GLCCI1: variants seen among roughly 807,000 people sequenced by gnomAD.
GLCCI1 encodes the protein glucocorticoid-induced transcript 1 protein.
Under a neutral mutation model 52.2 loss-of-function variants are expected in GLCCI1, and 24 were observed. The observed-to-expected ratio is 0.46, with a 90% CI of 0.33 to 0.65. The LOEUF (loss-of-function observed/expected upper bound fraction) is 0.65, where lower values mean the gene tolerates loss of function less well. Among genes scored for constraint, GLCCI1 ranks in the 30% least tolerant of loss-of-function variants. The pLI, the probability that GLCCI1 is intolerant of heterozygous loss-of-function variation, is 0.02. For missense variants in GLCCI1, 704 were observed against 701.5 expected, an observed-to-expected ratio of 1.00 and a Z score of -0.04; for synonymous variants, 310 against 276.5, an observed-to-expected ratio of 1.12 and a Z score of -1.20.
At chr7:8,036,311 T>C (rs1174327585) in intron 3 of GLCCI1, among the ~76,000 whole-genome samples, 2 of 152,146 alleles carry the variant, frequency 1.3e-5, no homozygotes, top group Non-Finnish European at 2.9e-5. Context: ...AAGTAACTCA[T>C]AGAAACTTTG....
chr7:7,987,250 C>T (rs1780754439), intron 1 of GLCCI1, among the ~76,000 whole-genome samples: 1 of 152,132 alleles, frequency 6.6e-6, no homozygotes, highest in Non-Finnish European at 1.5e-5. Flanking sequence ...ATACTTGTGC[C>T]TCTAATATAC....
intron 3 of GLCCI1, among the ~76,000 whole-genome samples, chr7:8,050,080 G>C (rs949444952): frequency 1.3e-5 from 2 of 152,124 alleles, no homozygotes; most frequent in African/African-American, 4.8e-5. Context: ...GGGGGTTCGG[G>C]GGTGCGTGGT....
intron 6 of GLCCI1, among the ~76,000 whole-genome samples, chr7:8,083,155 G>A (rs964550855): frequency 7.9e-5 from 12 of 152,122 alleles, no homozygotes; most frequent in Non-Finnish European, 1.8e-4. Context: ...ATACATAGGT[G>A]TATATATTTA....
chr7:7,975,825 C>G (rs1562412882), intron 1 of GLCCI1, among the ~76,000 whole-genome samples: 1 of 152,086 alleles, frequency 6.6e-6, no homozygotes, highest in Non-Finnish European at 1.5e-5. Flanking sequence ...GAGAGAAATT[C>G]TTGTTTCTGA....
rs548785978 is a variant in GLCCI1, at chr7:7,969,984, C to A, written c.457+177C>A. ...GGGCTTGGAGGAGCGAACTGAAAAG[C>A]GACTTTTATTTGACCCTCATGCCGC... On this transcript the variant is annotated intron_variant, in intron 1 of 7. Coordinates refer to ENST00000223145, the MANE Select transcript of GLCCI1 (RefSeq NM_138426.4). This position sits in a 1 kb window ranked among gnomAD's most constrained non-coding sequence, Gnocchi z 4.9. 773 of 857,910 alleles carry A rather than the reference C, an allele frequency of 9.0e-4. 21 individuals carry two copies. In the South Asian group the frequency reaches 0.026, roughly 29 times the overall value. 53.1% of individuals were successfully genotyped at this position (857,910 alleles called of 1,614,324 possible). A position where few individuals can be genotyped will look rare whatever the true frequency, so the allele number is the denominator to read the frequency against.
chr7:7,978,478 TA>T (rs1780541900), intron 1 of GLCCI1, among the ~76,000 whole-genome samples: 1 of 152,192 alleles, frequency 6.6e-6, no homozygotes, highest in Admixed American at 6.5e-5. Flanking sequence ...TGATGTAATA[TA>T]GAAAATAAAT....
intron 7 of GLCCI1, 43 bp downstream of exon 7, chr7:8,085,060 AAAGCT>A: frequency 6.2e-7 from 1 of 1,609,672 alleles, no homozygotes; most frequent in South Asian, 1.1e-5. Flanking sequence ...GCAAAGCTGT[AAAGCT>A]TTTTACTGAG....
chr7:7,991,299 T>C (rs1780834831), intron 1 of GLCCI1, among the ~76,000 whole-genome samples: 1 of 152,106 alleles, frequency 6.6e-6, no homozygotes, highest in South Asian at 2.1e-4. Context: ...AATTCTACTT[T>C]TCAGTTTAGA....
At chr7:8,036,078 G>A (rs1009571702) in intron 3 of GLCCI1, among the ~76,000 whole-genome samples, 4 of 152,212 alleles carry the variant, frequency 2.6e-5, no homozygotes, top group East Asian at 1.9e-4. Flanking sequence ...TGCTTCTGCT[G>A]TAGCTGGCCT....
At chr7:7,991,126 C>T (rs1562419201) in intron 1 of GLCCI1, among the ~76,000 whole-genome samples, 1 of 152,056 alleles carries the variant, frequency 6.6e-6, no homozygotes, top group Non-Finnish European at 1.5e-5. Context: ...ACTCTTTTTC[C>T]TAGGCCTTTC....
At chr7:8,025,512 A>G (rs1304100106) in intron 3 of GLCCI1, among the ~76,000 whole-genome samples, 2 of 152,218 alleles carry the variant, frequency 1.3e-5, no homozygotes, top group Non-Finnish European at 2.9e-5. Context: ...ATAAGTCAAT[A>G]GAATTTATAT....
intron 6 of GLCCI1, among the ~76,000 whole-genome samples, chr7:8,080,922 C>T (rs1332882148): frequency 1.3e-5 from 2 of 151,194 alleles, no homozygotes; most frequent in African/African-American, 4.9e-5. Flanking sequence ...GATCCTCCCG[C>T]CTCAGCCTCC....
chr7:8,017,389 T>C (rs990904265), intron 2 of GLCCI1, among the ~76,000 whole-genome samples: 3 of 152,244 alleles, frequency 2.0e-5, no homozygotes, highest in Admixed American at 2.0e-4. Flanking sequence ...CCGTATCTTA[T>C]TGATTTCAAT....
intron 4 of GLCCI1, among the ~76,000 whole-genome samples, chr7:8,058,005 T>C (rs967002590): frequency 6.6e-6 from 1 of 152,198 alleles, no homozygotes; most frequent in African/African-American, 2.4e-5. Flanking sequence ...TAAATGTTGA[T>C]AATTTTTGAA....
At position 8,086,099 on chromosome 7, in the gene GLCCI1, T is replaced by C. The variant is rs1461666768; in HGVS notation, c.1299-94T>C. ...CTTAACCCATCTCCTGCCATTTACA[T>C]TTTAGCTGTTTTAGAGAACTCCAGT... On this transcript the variant is annotated intron_variant, in intron 7 of 7. Coordinates refer to ENST00000223145, the MANE Select transcript of GLCCI1 (RefSeq NM_138426.4). This position sits in a 1 kb window ranked among gnomAD's most constrained non-coding sequence, Gnocchi z 4.4. 6.7e-5 allele frequency: 70 copies of C among 1,048,050 alleles called. No individual in the cohort carries two copies. The highest frequency in any genetic ancestry group is 9.4e-5 in the Non-Finnish European group (67 of 716,118). The allele number at this position is 1,048,050 out of a possible 1,614,324, so 64.9% of individuals were successfully genotyped here. A position where few individuals can be genotyped will look rare whatever the true frequency, so the allele number is the denominator to read the frequency against.
intron 6 of GLCCI1, among the ~76,000 whole-genome samples, chr7:8,082,400 G>T (rs908974240): frequency 6.6e-6 from 1 of 152,044 alleles, no homozygotes; most frequent in South Asian, 2.1e-4. Flanking sequence ...TTGTACTCCA[G>T]GTAACATAGA....
intron 2 of GLCCI1, among the ~76,000 whole-genome samples, chr7:8,020,875 G>C (rs1433580542): frequency 6.6e-6 from 1 of 152,160 alleles, no homozygotes; most frequent in East Asian, 1.9e-4. Context: ...AGGATACAAT[G>C]ATTTGGAGGG....
chr7:8,061,209 C>T (rs952389867), intron 5 of GLCCI1, among the ~76,000 whole-genome samples: 2 of 151,538 alleles, frequency 1.3e-5, no homozygotes, highest in East Asian at 1.9e-4. Context: ...ACGCCATTCT[C>T]CTGCCTCAGC....
chr7:8,075,365 G>A (rs914661980), intron 6 of GLCCI1, among the ~76,000 whole-genome samples: 2 of 152,128 alleles, frequency 1.3e-5, no homozygotes, highest in Non-Finnish European at 2.9e-5. Flanking sequence ...CTAACTAATA[G>A]CCATAGGAAC....
Sources: allele counts gnomAD v4.1 joint callset (sites outside exome capture counted in the v4.1 genomes callset), GRCh38; gene constraint gnomAD v4.1.1; non-coding constraint Gnocchi (gnomAD v3.1); transcripts MANE v1.5; gene names NCBI Gene and HGNC (gene_info 2026-07-23, HGNC 2026-07-21).